Variants in GABPB2 observed in about 807,000 individuals in gnomAD.
GABPB2 encodes the protein GA binding protein transcription factor subunit beta 2, also known as GA-binding protein subunit beta-2.
GABPB2 carries 23 observed loss-of-function variants against 39.1 expected under a neutral mutation model. The ratio of observed to expected loss-of-function variants is 0.59; its 90% CI spans 0.42 to 0.83. GABPB2 has a LOEUF of 0.83. GABPB2 is among the 40% of genes least tolerant of loss of function. GABPB2 has a pLI of 0.00. For synonymous variants in GABPB2, 184 were observed against 199.3 expected (o/e 0.92, Z 0.65); for missense variants, 467 against 541.1 (o/e 0.86, Z 1.36).
At position 151,107,187 on chromosome 1, in the gene GABPB2, A is replaced by T. The variant is rs752832807; in HGVS notation, c.887A>T (p.Gln296Leu). Reference protein sequence around the residue: ...QTSIPTGGIGQPFIVTVQDGQ... With the variant: ...QTSIPTGGIGLPFIVTVQDGQ... ...TCAATCCCTACTGGAGGCATTGGCC[A>T]GCCATTTATTGTAACTGTGCAAGAT... Residue 296 changes from glutamine to leucine, a missense_variant, in exon 7 of 9, where the codon CAG becomes CTG. Transcript: ENST00000368918. 2 of 1,601,778 alleles carry T rather than the reference A, an allele frequency of 1.2e-6. No individual in the cohort carries two copies. The highest frequency in any genetic ancestry group is 2.3e-5 in the South Asian group (2 of 88,390).
chr1:151,116,837 T>C (rs1272818468), intron 7 of GABPB2, among the ~76,000 whole-genome samples: 1 of 152,090 alleles, frequency 6.6e-6, no homozygotes, highest in Non-Finnish European at 1.5e-5. Context: ...CTTGAACTCC[T>C]GGGCTCAAGT....
At chr1:151,080,088 G>T (rs760950755) in intron 1 of GABPB2, among the ~76,000 whole-genome samples, 3 of 151,536 alleles carry the variant, frequency 2.0e-5, no homozygotes, top group Non-Finnish European at 4.4e-5. Context: ...GGTGGCACAC[G>T]CCTGTATTCC....
At chr1:151,117,902 C>G in intron 8 of GABPB2, 55 bp from the exon 9 acceptor site, 1 of 1,533,608 alleles carries the variant, frequency 6.5e-7, no homozygotes, top group Non-Finnish European at 8.9e-7. Context: ...TGTCTACTGT[C>G]TGGATAATTT....
At chr1:151,110,005 A>ATTTTTTTTTTTTTTTTTTTTTTTTTT (rs71577269) in intron 7 of GABPB2, among the ~76,000 whole-genome samples, 1 of 60,706 alleles carries the variant, frequency 1.6e-5, no homozygotes, top group Non-Finnish European at 3.5e-5. Flanking sequence ...TGCCCAGCTA[A>ATTTTTTTTTTTTTTTTTTTTTTTTTT]TTTTTTTTTT....
intron 1 of GABPB2, among the ~76,000 whole-genome samples, chr1:151,084,066 AT>A (rs1461326763): frequency 2.9e-4 from 43 of 149,284 alleles, no homozygotes; most frequent in African/African-American, 5.4e-4. Context: ...ATATAAAAAA[AT>A]ATATATATTT....
intron 1 of GABPB2, among the ~76,000 whole-genome samples, chr1:151,073,572 T>C (rs1395088356): frequency 6.6e-6 from 1 of 152,142 alleles, no homozygotes; most frequent in East Asian, 1.9e-4. Flanking sequence ...CTGTGTTTTT[T>C]GTTTGTTTTT....
rs776570276 is a variant in GABPB2 at position 151,118,059 on chromosome 1, C to G, written c.1150C>G (p.Gln384Glu). ...CCTAAAGAAAGAGCAGGAAGCAGAA[C>G]AGTACCGTCTTAAGCTGGAGGCCAT... is the stretch of plus-strand genomic sequence containing the variant. ...QLLKKEQEAEQYRLKLEAIAR... is the reference protein window; with the variant it reads ...QLLKKEQEAEEYRLKLEAIAR... The change falls in exon 9 of 9, where the codon CAG becomes GAG. Residue 384 changes from glutamine (Q) to glutamate (E), a missense_variant. Physicochemically the swap from Gln to Glu is conservative, Grantham distance 29. Coordinates refer to ENST00000368918, the MANE Select transcript of GABPB2 (RefSeq NM_144618.3). 1.3e-5 allele frequency: 21 copies of G among 1,614,172 alleles called. No individual in the cohort carries two copies. The South Asian group carries it at 2.1e-4, about 16-fold the overall frequency.
chr1:151,096,802 A>G (rs1047085603), intron 4 of GABPB2, among the ~76,000 whole-genome samples: 7 of 152,222 alleles, frequency 4.6e-5, no homozygotes, highest in Non-Finnish European at 8.8e-5. Context: ...ATTGTTCTCT[A>G]TAGATACTCT....
chr1:151,111,737 A>T (rs1371622838), intron 7 of GABPB2, among the ~76,000 whole-genome samples: 9 of 143,446 alleles, frequency 6.3e-5, no homozygotes. Flanking sequence ...TAGTAGAGAC[A>T]GGATTTCACC....
intron 1 of GABPB2, among the ~76,000 whole-genome samples, chr1:151,074,289 T>G (rs1341365972): frequency 7.1e-6 from 1 of 139,892 alleles, no homozygotes; most frequent in East Asian, 2.2e-4. Flanking sequence ...ATTTCTTGAT[T>G]GTATGCTAAA....
chr1:151,077,766 C>T (rs587691380), intron 1 of GABPB2, among the ~76,000 whole-genome samples: 1 of 150,012 alleles, frequency 6.7e-6, no homozygotes, highest in African/African-American at 2.4e-5. Flanking sequence ...GCCTGACCAA[C>T]ATGGTGAAAC....
chr1:151,124,091 A>C lies in GABPB2; in HGVS notation c.*5835A>C, dbSNP rs866571084. 2.2e-4 allele frequency: 8 copies of C among 37,172 alleles called. No individual in the cohort carries two copies. The highest frequency in any genetic ancestry group is 2.3e-4 in the Non-Finnish European group (3 of 13,300). The allele number at this position is 37,172 out of a possible 1,614,324, so 2.3% of individuals were successfully genotyped here. A position where few individuals can be genotyped will look rare whatever the true frequency, so the allele number is the denominator to read the frequency against. ...AAAGAGGCCGGGCGCGGTGGCTCACAAAAAAAAAAAAAAGAAAGAAAAAGG... is the reference window on the plus strand; with the variant it reads ...AAAGAGGCCGGGCGCGGTGGCTCACCAAAAAAAAAAAAAGAAAGAAAAAGG... On this transcript the variant is annotated 3_prime_UTR_variant, in exon 9 of 9. Coordinates refer to ENST00000368918, the MANE Select transcript of GABPB2 (RefSeq NM_144618.3).
At chr1:151,109,362 A>T (rs1016933726) in intron 7 of GABPB2, among the ~76,000 whole-genome samples, 12 of 134,380 alleles carry the variant, frequency 8.9e-5, no homozygotes, top group East Asian at 4.3e-4. Context: ...ATATATATAT[A>T]TATTTTTTTT....
At chr1:151,073,181 A>AT (rs1312504550) in intron 1 of GABPB2, 1 of 151,870 alleles carries the variant, frequency 6.6e-6, no homozygotes, top group Non-Finnish European at 1.5e-5. Context: ...CACCCTGCTA[A>AT]TTTTTTTATT....
rs1208556444 is a variant in GABPB2, at chr1:151,124,358, AG to A, written c.*6104del. ...CAGACGGGATTTCACCATATTGGCC[AG>A]GCTGGTCTCGAACTCCTGACCTCGT... On this transcript the variant is annotated 3_prime_UTR_variant, in exon 9 of 9. Transcript: ENST00000368918. The A allele has an allele frequency of 6.6e-6, 1 of 151,260 alleles. No individual in the cohort carries two copies. The highest frequency in any genetic ancestry group is 1.9e-4 in the East Asian group (1 of 5,134). 9.4% of individuals were successfully genotyped at this position (151,260 alleles called of 1,614,324 possible).
At chr1:151,087,089 A>G (rs587655808) in intron 1 of GABPB2, among the ~76,000 whole-genome samples, 159 of 152,030 alleles carry the variant, frequency 1.0e-3, no homozygotes, top group African/African-American at 3.7e-3. Flanking sequence ...TCCTGACCTC[A>G]GGTGATCTGC....
intron 7 of GABPB2, among the ~76,000 whole-genome samples, chr1:151,109,290 G>A (rs1434243611): frequency 7.2e-6 from 1 of 138,130 alleles, no homozygotes; most frequent in Non-Finnish European, 1.5e-5. Flanking sequence ...TTAAATGATT[G>A]TGGGGATTTA....
At chr1:151,082,076 CTTTTT>C (rs1215494134) in intron 1 of GABPB2, among the ~76,000 whole-genome samples, 1 of 131,604 alleles carries the variant, frequency 7.6e-6, no homozygotes. Context: ...ATTTCTTTTT[CTTTTT>C]TTTTTTTTTT....
rs1558167001 is a variant in GABPB2 at position 151,119,340 on chromosome 1, G to A, written c.*1084G>A. On this transcript the variant is annotated 3_prime_UTR_variant, in exon 9 of 9. Coordinates refer to ENST00000368918, the MANE Select transcript of GABPB2 (RefSeq NM_144618.3). ...AAAAGGAAACTAGGCCAGGCGTGGT[G>A]GCTCACGCCTGTAATCCCAACACTT... 6.6e-6 allele frequency: 1 copy of A among 152,446 alleles called. No individual in the cohort carries two copies. The highest frequency in any genetic ancestry group is 2.1e-4 in the South Asian group (1 of 4,834). 9.4% of individuals were successfully genotyped at this position (152,446 alleles called of 1,614,324 possible).
Sources: gnomAD v4.1 joint callset for allele counts (sites outside exome capture counted in the v4.1 genomes callset) on GRCh38, gnomAD v4.1.1 for gene constraint, MANE v1.5 for transcripts, NCBI Gene and HGNC (gene_info 2026-07-23, HGNC 2026-07-21) for gene names.